The following RGS6 variants were observed in gnomAD, a reference collection of about 807,000 sequenced individuals.
RGS6 encodes the protein regulator of G-protein signaling 6.
In RGS6, 30 loss-of-function variants were observed where a neutral mutation model predicts 78.5. The ratio of observed to expected loss-of-function variants is 0.38; its 90% CI spans 0.29 to 0.52. The LOEUF (loss-of-function observed/expected upper bound fraction) is 0.52. RGS6 is among the 20% of genes least tolerant of loss of function. RGS6 has a pLI of 0.85. For synonymous variants in RGS6, 206 were observed against 206.0 expected, an observed-to-expected ratio of 1.00 and a Z score of 0.00; for missense variants, 495 against 609.7, an observed-to-expected ratio of 0.81 and a Z score of 1.98.
chr14:72,191,244 C>T (rs1305788211), intron 2 of RGS6, among the ~76,000 whole-genome samples: 3 of 152,154 alleles, frequency 2.0e-5, no homozygotes, highest in African/African-American at 7.2e-5. Context: ...ATTTAATGCA[C>T]TATTTTAAAA....
intron 12 of RGS6, among the ~76,000 whole-genome samples, chr14:72,490,517 G>T (rs2153401351): frequency 6.6e-6 from 1 of 152,278 alleles, no homozygotes; most frequent in East Asian, 1.9e-4. Context: ...TGTGCCCGTG[G>T]TTTCGCTTGT....
At chr14:72,305,973 A>C (rs1395108318) in intron 2 of RGS6, among the ~76,000 whole-genome samples, 2 of 152,362 alleles carry the variant, frequency 1.3e-5, no homozygotes, top group East Asian at 3.9e-4. Flanking sequence ...AGGAATGATA[A>C]GAAAGCAAAA....
At chr14:71,916,271 G>A in the RGS6 span, among the ~76,000 whole-genome samples, 8 of 152,234 alleles carry the variant, frequency 5.3e-5, no homozygotes, top group East Asian at 1.5e-3. Context: ...AATCAAACTG[G>A]GCCTGGACCT....
the RGS6 span, among the ~76,000 whole-genome samples, chr14:72,611,759 C>T: frequency 6.6e-6 from 1 of 152,184 alleles, no homozygotes; most frequent in African/African-American, 2.4e-5. Flanking sequence ...CAGATTAAAG[C>T]AACTAGGCTG....
chr14:72,123,851 T>G (rs985995121), intron 2 of RGS6, among the ~76,000 whole-genome samples: 11 of 152,146 alleles, frequency 7.2e-5, no homozygotes, highest in African/African-American at 2.7e-4. Context: ...TAAAAATATG[T>G]AAATGGAAAT....
rs569559882 is a variant in RGS6 at position 72,350,784 on chromosome 14, C to G, written c.85-1311C>G. On this transcript the variant is annotated intron_variant, in intron 2 of 17. Coordinates refer to ENST00000553525, the MANE Select transcript of RGS6 (RefSeq NM_001204424.2). ...ACCCTACCCTGATTGATGCACCTCACTATATCTTTGTTTCTTTATGTGAAA... is the reference window on the plus strand; with the variant it reads ...ACCCTACCCTGATTGATGCACCTCAGTATATCTTTGTTTCTTTATGTGAAA... Among the ~76,000 whole-genome samples the G allele has an allele frequency of 1.5e-4, 23 of 152,262 alleles. No individual in the cohort carries two copies. In the East Asian group the frequency reaches 4.2e-3, roughly 28 times the overall value.
At chr14:72,228,358 G>A (rs2048654945) in intron 2 of RGS6, among the ~76,000 whole-genome samples, 2 of 151,976 alleles carry the variant, frequency 1.3e-5, no homozygotes, top group South Asian at 4.2e-4. Context: ...TCCAGCCTGA[G>A]CAACAGAGCG....
intron 2 of RGS6, among the ~76,000 whole-genome samples, chr14:72,188,715 T>G (rs1180976699): frequency 6.6e-6 from 1 of 152,184 alleles, no homozygotes; most frequent in African/African-American, 2.4e-5. Flanking sequence ...TCCATTTCTG[T>G]GGTCTTCTTG....
chr14:71,910,250 G>A, the RGS6 span, among the ~76,000 whole-genome samples: 6 of 152,062 alleles, frequency 3.9e-5, no homozygotes, highest in Non-Finnish European at 7.4e-5. Context: ...GCAGAGAAGA[G>A]CTCTCTCTGT....
At chr14:72,018,162 GTCTT>G (rs1232495672) in intron 2 of RGS6, among the ~76,000 whole-genome samples, 1 of 148,712 alleles carries the variant, frequency 6.7e-6, no homozygotes, top group Non-Finnish European at 1.5e-5. Flanking sequence ...ACAAGAAAAT[GTCTT>G]TCTTAGATTT....
the RGS6 span, among the ~76,000 whole-genome samples, chr14:72,620,911 C>T: frequency 2.0e-5 from 3 of 152,230 alleles, no homozygotes; most frequent in Non-Finnish European, 2.9e-5. Context: ...GAGGCCAAGG[C>T]GCGTGGTTCA....
chr14:71,920,526 A>G, the RGS6 span, among the ~76,000 whole-genome samples: 3 of 152,212 alleles, frequency 2.0e-5, no homozygotes, highest in African/African-American at 7.2e-5. Context: ...CTTTGTCTGA[A>G]AAAAGAGGTC....
chr14:72,005,807 A>C (rs139858986), intron 2 of RGS6, among the ~76,000 whole-genome samples: 430 of 151,982 alleles, frequency 2.8e-3, no homozygotes, highest in African/African-American at 9.7e-3. Context: ...GCTTTACCTA[A>C]TTAGGACAAA....
chr14:72,450,151 C>T (rs1389924796), intron 3 of RGS6, among the ~76,000 whole-genome samples: 1 of 151,818 alleles, frequency 6.6e-6, no homozygotes, highest in Non-Finnish European at 1.5e-5. Flanking sequence ...AGAATTTTTC[C>T]TCTCCATATT....
intron 1 of RGS6, among the ~76,000 whole-genome samples, chr14:71,939,424 C>T (rs2090129654): frequency 6.6e-6 from 1 of 152,256 alleles, no homozygotes; most frequent in South Asian, 2.1e-4. Flanking sequence ...TGTAATGGAC[C>T]AGAGTGATAT....
In RGS6 at chr14:72,173,918, A is replaced by G. The variant is rs193301486; in HGVS notation, c.85-178177A>G. 3.6e-3 allele frequency among the ~76,000 whole-genome samples: 546 copies of G among 152,254 alleles called. 2 individuals carry two copies. Among genetic ancestry groups the G allele is most frequent in the Admixed American group, 6.4e-3 (98 of 15,290 alleles). ...TCGAGAGGATGCCCAGGCCACCTGT[A>G]AAGAGGATAATACACTCTTAGATGT... On this transcript the variant is annotated intron_variant, in intron 2 of 17. Transcript: ENST00000553525.
chr14:72,035,235 A>G (rs115234356), intron 2 of RGS6, among the ~76,000 whole-genome samples: 222 of 152,170 alleles, frequency 1.5e-3, no homozygotes, highest in African/African-American at 5.2e-3. Context: ...GGTAGATGGT[A>G]TGTTTGTAGG....
At chr14:72,461,457 A>G (rs2153234271) in intron 6 of RGS6, among the ~76,000 whole-genome samples, 1 of 152,302 alleles carries the variant, frequency 6.6e-6, no homozygotes, top group Non-Finnish European at 1.5e-5. Context: ...GCTCTCATTA[A>G]ACAAAAATTA....
intron 2 of RGS6, among the ~76,000 whole-genome samples, chr14:72,313,978 T>G (rs112532590): frequency 0.018 from 2,783 of 152,356 alleles, 37 homozygotes; most frequent in African/African-American, 0.035. Flanking sequence ...TGTGCCCTTA[T>G]GTCCCTTGTC....
Sources: gnomAD v4.1 joint callset for allele counts (sites outside exome capture counted in the v4.1 genomes callset) on GRCh38, gnomAD v4.1.1 for gene constraint, MANE v1.5 for transcripts, NCBI Gene and HGNC (gene_info 2026-07-23, HGNC 2026-07-21) for gene names.